The following VAV3 variants were observed in gnomAD, a reference collection of about 807,000 sequenced individuals.
VAV3 encodes the protein guanine nucleotide exchange factor VAV3.
A neutral mutation model predicts 131.2 loss-of-function variants in VAV3; 94 were observed. The observed-to-expected ratio is 0.72, with a 90% CI of 0.61 to 0.85. The LOEUF (loss-of-function observed/expected upper bound fraction) is 0.85, where lower values mean the gene tolerates loss of function less well. Ranked by LOEUF, VAV3 falls within the 40% of genes least tolerant of loss-of-function variation. VAV3 has a pLI of 0.00. For synonymous variants in VAV3, 349 were observed against 342.0 expected, an observed-to-expected ratio of 1.02 and a Z score of -0.22; for missense variants, 939 against 1,002.7, an observed-to-expected ratio of 0.94 and a Z score of 0.86.
chr1:107,801,953 TTTA>T (rs537576863), intron 2 of VAV3, among the ~76,000 whole-genome samples: 1 of 152,136 alleles, frequency 6.6e-6, no homozygotes, highest in Non-Finnish European at 1.5e-5. Flanking sequence ...GTTTCTTTTT[TTTA>T]TTATTATACT....
At chr1:107,813,967 AGTGTGTGTGTGTGTGTGTGT>A (rs58318688) in intron 2 of VAV3, among the ~76,000 whole-genome samples, 134 of 135,858 alleles carry the variant, frequency 9.9e-4, no homozygotes, top group African/African-American at 2.4e-3. Flanking sequence ...ATAGTACTCC[AGTGTGTGTGTGTGTGTGTGT>A]GTGTGTGTGT....
intron 1 of VAV3, among the ~76,000 whole-genome samples, chr1:107,905,965 G>A (rs1296424081): frequency 1.3e-5 from 2 of 152,150 alleles, no homozygotes; most frequent in Non-Finnish European, 2.9e-5. Flanking sequence ...CAAGTGAAGA[G>A]TCTATTAAAT....
intron 2 of VAV3, among the ~76,000 whole-genome samples, chr1:107,858,003 T>C (rs1669549809): frequency 6.6e-6 from 1 of 152,148 alleles, no homozygotes; most frequent in Admixed American, 6.5e-5. Flanking sequence ...ACAACATAGG[T>C]AAAGAAAATG....
chr1:107,885,229 A>G (rs1167547606), intron 1 of VAV3, among the ~76,000 whole-genome samples: 3 of 149,520 alleles, frequency 2.0e-5, no homozygotes, highest in Admixed American at 6.7e-5. Flanking sequence ...AATGAGGGAA[A>G]AGGTGACACA....
At chr1:107,812,287 A>C (rs1359407396) in intron 2 of VAV3, among the ~76,000 whole-genome samples, 1 of 152,146 alleles carries the variant, frequency 6.6e-6, no homozygotes, top group Admixed American at 6.5e-5. Flanking sequence ...CCTGATGGAG[A>C]GATGCCACAG....
At chr1:107,689,177 C>G (rs1441353044) in intron 17 of VAV3, among the ~76,000 whole-genome samples, 1 of 152,142 alleles carries the variant, frequency 6.6e-6, no homozygotes, top group Non-Finnish European at 1.5e-5. Context: ...CTCCTTTCCC[C>G]ATACCCAGGA....
intron 24 of VAV3, among the ~76,000 whole-genome samples, chr1:107,597,615 T>C (rs561749538): frequency 2.6e-5 from 4 of 152,196 alleles, no homozygotes; most frequent in East Asian, 1.9e-4. Flanking sequence ...AAAATTACAA[T>C]AGCCAGGAAC....
intron 20 of VAV3, among the ~76,000 whole-genome samples, chr1:107,631,946 A>G (rs1418234781): frequency 1.3e-5 from 2 of 152,076 alleles, no homozygotes; most frequent in Admixed American, 6.5e-5. Flanking sequence ...ATACGTGTGC[A>G]TGTACCTTTA....
intron 2 of VAV3, among the ~76,000 whole-genome samples, chr1:107,812,115 T>C (rs1174739532): frequency 6.6e-6 from 1 of 152,192 alleles, no homozygotes; most frequent in Non-Finnish European, 1.5e-5. Flanking sequence ...AATAATATCA[T>C]TAACAAAAGT....
At chr1:107,759,323 C>A (rs1664288933) in intron 10 of VAV3, among the ~76,000 whole-genome samples, 1 of 152,128 alleles carries the variant, frequency 6.6e-6, no homozygotes, top group Non-Finnish European at 1.5e-5. Context: ...TTCTTTTATT[C>A]CTTAAAAGTT....
intron 18 of VAV3, chr1:107,685,598 G>A (rs1293672837): frequency 9.9e-5 from 15 of 152,124 alleles, no homozygotes; most frequent in Non-Finnish European, 1.9e-4. Flanking sequence ...TACAGGAAGG[G>A]TGTGCAGTGG....
chr1:107,692,638 C>T (rs1659496998), intron 17 of VAV3, among the ~76,000 whole-genome samples: 1 of 152,064 alleles, frequency 6.6e-6, no homozygotes, highest in Non-Finnish European at 1.5e-5. Context: ...GGTTCAGATA[C>T]CAATGTGGGT....
At chr1:107,832,328 C>T (rs556519786) in intron 2 of VAV3, among the ~76,000 whole-genome samples, 1 of 152,298 alleles carries the variant, frequency 6.6e-6, no homozygotes, top group African/African-American at 2.4e-5. Context: ...TCACTGTGAA[C>T]AAGCAGGTGC....
chr1:107,651,671 G>A (rs1656182656), intron 19 of VAV3, among the ~76,000 whole-genome samples: 2 of 151,472 alleles, frequency 1.3e-5, no homozygotes, highest in Admixed American at 1.3e-4. Context: ...ACCATTTCTT[G>A]CCACCTTCAT....
intron 15 of VAV3, among the ~76,000 whole-genome samples, chr1:107,728,078 C>T (rs1300612683): frequency 1.3e-5 from 2 of 152,066 alleles, no homozygotes; most frequent in Admixed American, 1.3e-4. Context: ...ATGTCAACAG[C>T]GAGCAGTACA....
intron 19 of VAV3, among the ~76,000 whole-genome samples, chr1:107,643,868 A>G (rs1282076294): frequency 2.0e-5 from 3 of 152,284 alleles, no homozygotes; most frequent in African/African-American, 7.2e-5. Context: ...GTTTTAGTCA[A>G]CACTTGTTTA....
At chr1:107,842,803 G>A (rs1668784816) in intron 2 of VAV3, among the ~76,000 whole-genome samples, 1 of 152,020 alleles carries the variant, frequency 6.6e-6, no homozygotes, top group South Asian at 2.1e-4. Flanking sequence ...ATCGTTATCT[G>A]TCTAGAAATT....
chr1:107,769,414 C>A (rs967021580), intron 6 of VAV3, among the ~76,000 whole-genome samples: 3 of 152,278 alleles, frequency 2.0e-5, no homozygotes, highest in African/African-American at 7.2e-5. Flanking sequence ...TACTACAGTT[C>A]CCTAGTCAAT....
intron 17 of VAV3, among the ~76,000 whole-genome samples, chr1:107,691,537 C>G (rs1267045457): frequency 6.6e-6 from 1 of 152,150 alleles, no homozygotes; most frequent in Non-Finnish European, 1.5e-5. Flanking sequence ...ATGAAAAAGT[C>G]TCTCTTTCTG....
Sources: allele counts gnomAD v4.1 joint callset (sites outside exome capture counted in the v4.1 genomes callset), GRCh38; gene constraint gnomAD v4.1.1; transcripts MANE v1.5; gene names NCBI Gene and HGNC (gene_info 2026-07-23, HGNC 2026-07-21).